The following SPAST variants were observed in gnomAD, a reference collection of about 807,000 sequenced individuals.
SPAST encodes the protein spastin.
SPAST carries 30 observed loss-of-function variants against 76.6 expected under a neutral mutation model. The observed-to-expected ratio is 0.39, with a 90% confidence interval of 0.29 to 0.53. The LOEUF is 0.53. Ranked by LOEUF, SPAST falls within the 20% of genes least tolerant of loss-of-function variation. The pLI, the probability that SPAST is intolerant of heterozygous loss-of-function variation, is 0.68. For synonymous variants in SPAST, 305 were observed against 281.0 expected, an observed-to-expected ratio of 1.09 and a Z score of -0.86; for missense variants, 717 against 770.5, an observed-to-expected ratio of 0.93 and a Z score of 0.82.
intron 1 of SPAST, among the ~76,000 whole-genome samples, chr2:32,065,570 T>C (rs1190449322): frequency 6.6e-6 from 1 of 152,132 alleles, no homozygotes; most frequent in Non-Finnish European, 1.5e-5. Flanking sequence ...GGAAAATAAG[T>C]GAAATTAGGA....
intron 4 of SPAST, among the ~76,000 whole-genome samples, chr2:32,109,940 A>G (rs570692207): frequency 3.4e-5 from 5 of 148,538 alleles, no homozygotes; most frequent in Admixed American, 6.8e-5. Context: ...GCATATACAT[A>G]TATAGTTACA....
chr2:32,064,120 C>G lies in SPAST; in HGVS notation c.289C>G (p.Pro97Ala). The G allele has an allele frequency of 6.3e-7, 1 of 1,592,948 alleles. No individual in the cohort carries two copies. Among genetic ancestry groups the G allele is most frequent in the Non-Finnish European group, 8.5e-7 (1 of 1,170,106 alleles). ...MAAKRSSGAA[P>A]APASASAPAP... ...AGCCAAGAGGAGCTCCGGGGCCGCG[C>G]CAGCACCTGCCTCGGCCTCGGCCCC... The change falls in exon 1 of 17, where the codon CCA becomes GCA. Residue 97 changes from proline (P) to alanine (A), a missense_variant. Around this residue, in one of 3 missense-constraint regions of SPAST, gnomAD observed 543 missense variants for 445.2 expected, o/e 1.22. Coordinates refer to ENST00000315285, the MANE Select transcript of SPAST (RefSeq NM_014946.4).
intron 7 of SPAST, among the ~76,000 whole-genome samples, chr2:32,121,620 G>A (rs1437566535): frequency 1.5e-5 from 2 of 135,848 alleles, no homozygotes; most frequent in East Asian, 2.3e-4. Flanking sequence ...AGCTCACTGC[G>A]CCCTTCGCCT....
intron 4 of SPAST, among the ~76,000 whole-genome samples, chr2:32,110,743 G>C (rs1160932454): frequency 1.2e-4 from 15 of 126,004 alleles, no homozygotes; most frequent in African/African-American, 3.6e-4. Flanking sequence ...ACACTGTATA[G>C]TATATATAGT....
intron 1 of SPAST, among the ~76,000 whole-genome samples, chr2:32,074,153 C>T (rs1676859461): frequency 6.6e-6 from 1 of 152,144 alleles, no homozygotes; most frequent in African/African-American, 2.4e-5. Flanking sequence ...GGGTTTTGCT[C>T]TGATTTGGAT....
rs914195329 is a variant in SPAST, at chr2:32,067,898, C to T, written c.415+3652C>T. Among the ~76,000 whole-genome samples the T allele has an allele frequency of 3.8e-4, 57 of 150,804 alleles. 1 individual carries two copies. The highest frequency in any genetic ancestry group is 6.8e-4 in the African/African-American group (28 of 41,180). ...TGTTTAAGTTTACGCCATTCTCCTG[C>T]GTAATGCATATTTCATACTCTTCCT... On this transcript the variant is annotated intron_variant, in intron 1 of 16. Coordinates refer to ENST00000315285, the MANE Select transcript of SPAST (RefSeq NM_014946.4).
At chr2:32,139,626 G>A (rs771433021) in intron 12 of SPAST, among the ~76,000 whole-genome samples, 10 of 151,818 alleles carry the variant, frequency 6.6e-5, no homozygotes, top group Non-Finnish European at 1.5e-4. Flanking sequence ...TCAGGAGTTC[G>A]AGACCAGCCT....
At chr2:32,083,772 A>T (rs1277963112) in intron 1 of SPAST, among the ~76,000 whole-genome samples, 2,167 of 50,618 alleles carry the variant, frequency 0.043, 161 homozygotes, top group African/African-American at 0.098. Context: ...ATATATATAT[A>T]TATATTTTTT....
rs1306168649 is a variant in SPAST at position 32,064,262 on chromosome 2, G to T, written c.415+16G>T. Reference sequence around the variant, plus strand: ...GATGAGAAAGGTAACTAGGGGGCTGGGGGAGGGGGCGGCGGCGCCGGGAAG... The same window carrying T: ...GATGAGAAAGGTAACTAGGGGGCTGTGGGAGGGGGCGGCGGCGCCGGGAAG... On this transcript the variant is annotated intron_variant, in intron 1 of 16. Coordinates refer to ENST00000315285, the MANE Select transcript of SPAST (RefSeq NM_014946.4). 6.5e-7 allele frequency: 1 copy of T among 1,538,538 alleles called. No homozygotes were observed. Among genetic ancestry groups the T allele is most frequent in the South Asian group, 1.2e-5 (1 of 83,700 alleles).
intron 4 of SPAST, among the ~76,000 whole-genome samples, chr2:32,108,369 G>A (rs375345682): frequency 6.6e-6 from 1 of 151,938 alleles, no homozygotes; most frequent in Non-Finnish European, 1.5e-5. Flanking sequence ...ACTTTCACCC[G>A]TAGTTTGGTT....
At chr2:32,114,169 C>G (rs1262643973) in intron 4 of SPAST, among the ~76,000 whole-genome samples, 1 of 152,088 alleles carries the variant, frequency 6.6e-6, no homozygotes, top group Admixed American at 6.6e-5. Context: ...CTTTGGGAGG[C>G]CAAGGTGGGA....
chr2:32,147,602 C>G (rs1679935424), intron 16 of SPAST, among the ~76,000 whole-genome samples: 2 of 151,080 alleles, frequency 1.3e-5, no homozygotes, highest in South Asian at 4.2e-4. Context: ...CAGGCTTGAG[C>G]CGCTGCATCT....
chr2:32,152,835 C>T lies in SPAST; in HGVS notation c.1729-1539C>T, dbSNP rs546402005. Among the ~76,000 whole-genome samples the T allele has an allele frequency of 2.1e-4, 32 of 151,734 alleles. 1 individual carries two copies. The highest frequency in any genetic ancestry group is 1.5e-4 in the Non-Finnish European group (10 of 67,926). Reference sequence around the variant, plus strand: ...TGCTCATGGCTCACTGCAGCCTCAACCTCCCAGACTCAAGTGATCCTCCCA... The same window carrying T: ...TGCTCATGGCTCACTGCAGCCTCAATCTCCCAGACTCAAGTGATCCTCCCA... On this transcript the variant is annotated intron_variant, in intron 16 of 16. Coordinates refer to ENST00000315285, the MANE Select transcript of SPAST (RefSeq NM_014946.4).
At chr2:32,074,539 T>G (rs1676875003) in intron 1 of SPAST, among the ~76,000 whole-genome samples, 2 of 151,704 alleles carry the variant, frequency 1.3e-5, no homozygotes, top group African/African-American at 4.8e-5. Flanking sequence ...AGAGTCTGGC[T>G]CTGTCACCCA....
chr2:32,093,364 C>G (rs1174335497), intron 3 of SPAST, among the ~76,000 whole-genome samples: 2 of 150,116 alleles, frequency 1.3e-5, no homozygotes, highest in Non-Finnish European at 1.5e-5. Context: ...CACCTCTAAT[C>G]TCACCTACTT....
intron 16 of SPAST, among the ~76,000 whole-genome samples, chr2:32,152,638 C>T (rs1680125951): frequency 6.6e-6 from 1 of 152,070 alleles, no homozygotes; most frequent in South Asian, 2.1e-4. Flanking sequence ...CATTATTCTT[C>T]TACACTTTGG....
intron 4 of SPAST, among the ~76,000 whole-genome samples, chr2:32,101,344 T>C (rs1219961780): frequency 6.6e-6 from 1 of 152,220 alleles, no homozygotes; most frequent in East Asian, 1.9e-4. Flanking sequence ...TTAAGTTCTT[T>C]GTAGATTCTG....
intron 9 of SPAST, among the ~76,000 whole-genome samples, chr2:32,134,376 C>T (rs1679466876): frequency 6.6e-6 from 1 of 151,996 alleles, no homozygotes; most frequent in Admixed American, 6.6e-5. Context: ...GTGGCAGGCG[C>T]CTGTAATCCC....
chr2:32,063,561 C>A lies in SPAST; in HGVS notation c.-271C>A. 1 of 497,834 alleles carries A rather than the reference C, an allele frequency of 2.0e-6. No individual in the cohort carries two copies. Among genetic ancestry groups the A allele is most frequent in the South Asian group, 2.6e-5 (1 of 38,888 alleles). 30.8% of individuals were successfully genotyped at this position (497,834 alleles called of 1,614,324 possible). A position where few individuals can be genotyped will look rare whatever the true frequency, so the allele number is the denominator to read the frequency against. ...ACGGGAAGACGTGCGCGTGCGCGGC[C>A]GCCGCTGGGAGCCACCAGGCGGCGG... On this transcript the variant is annotated 5_prime_UTR_variant, in exon 1 of 17. Transcript: ENST00000315285.
Sources: allele counts gnomAD v4.1 joint callset (sites outside exome capture counted in the v4.1 genomes callset), GRCh38; gene constraint gnomAD v4.1.1; regional missense constraint gnomAD v4.1.1; transcripts MANE v1.5; gene names NCBI Gene and HGNC (gene_info 2026-07-23, HGNC 2026-07-21).